Variants in COX10 observed in about 807,000 individuals in gnomAD.
COX10 encodes protoheme IX farnesyltransferase, mitochondrial.
In COX10, 27 loss-of-function variants were observed where a neutral mutation model predicts 37.3. That is an observed-to-expected ratio of 0.72 (90% confidence interval 0.53 to 1.00). The LOEUF is 1.00. Ranked by LOEUF, COX10 falls within the 50% of genes least tolerant of loss-of-function variation. The pLI is 0.00. For missense variants in COX10, 475 were observed against 563.2 expected (o/e 0.84, Z 1.59); for synonymous variants, 222 against 229.1 (o/e 0.97, Z 0.28).
Position 14,083,601 on chromosome 17 carries a change from G to A in COX10, c.499+6545G>A, listed in dbSNP as rs75961484. ...ATACTTATATTTCATCTGTGGGTTA[G>A]TGGGTAGCAGCAGCCTGATGCCTTG... On this transcript the variant is annotated intron_variant, in intron 3 of 6. Transcript: ENST00000261643. Among the ~76,000 whole-genome samples the A allele has an allele frequency of 7.9e-3, 1,198 of 152,348 alleles. 15 individuals carry two copies. The highest frequency in any genetic ancestry group is 0.028 in the African/African-American group (1,148 of 41,582).
intron 4 of COX10, among the ~76,000 whole-genome samples, chr17:14,117,235 C>T (rs1255475617): frequency 6.6e-6 from 1 of 152,040 alleles, no homozygotes; most frequent in Non-Finnish European, 1.5e-5. Flanking sequence ...TTACTTTGCT[C>T]TTTATGTTTA....
chr17:14,110,985 G>A (rs1045208580), intron 4 of COX10, among the ~76,000 whole-genome samples: 4 of 152,104 alleles, frequency 2.6e-5, no homozygotes, highest in African/African-American at 9.7e-5. Flanking sequence ...AATAGGAATT[G>A]GGATGTCAGA....
At chr17:14,166,703 C>T (rs940418806) in intron 5 of COX10, among the ~76,000 whole-genome samples, 1 of 148,414 alleles carries the variant, frequency 6.7e-6, no homozygotes, top group South Asian at 2.1e-4. Flanking sequence ...CCTCTGCCTC[C>T]TGGGTTCAAG....
At chr17:14,143,724 A>G (rs1014466163) in intron 4 of COX10, among the ~76,000 whole-genome samples, 7 of 152,170 alleles carry the variant, frequency 4.6e-5, no homozygotes, top group Admixed American at 2.0e-4. Flanking sequence ...GAACATTATC[A>G]AAAGCATATG....
chr17:14,116,849 A>G (rs1403198598), intron 4 of COX10, among the ~76,000 whole-genome samples: 2 of 152,216 alleles, frequency 1.3e-5, no homozygotes, highest in Admixed American at 6.5e-5. Context: ...CACAACATCC[A>G]GAGCGATCTT....
At chr17:14,115,464 A>C (rs1916089586) in intron 4 of COX10, among the ~76,000 whole-genome samples, 1 of 152,142 alleles carries the variant, frequency 6.6e-6, no homozygotes, top group African/African-American at 2.4e-5. Flanking sequence ...GTGGAAAATA[A>C]TATGGAGATC....
intron 5 of COX10, among the ~76,000 whole-genome samples, chr17:14,162,896 C>T (rs1384161699): frequency 7.9e-5 from 12 of 152,094 alleles, no homozygotes; most frequent in Admixed American, 6.6e-4. Context: ...GTGCATTTGG[C>T]GGAAAATTCA....
chr17:14,131,517 G>A (rs1485815322), intron 4 of COX10, among the ~76,000 whole-genome samples: 4 of 151,408 alleles, frequency 2.6e-5, no homozygotes. Flanking sequence ...TCCAGTCCTG[G>A]CTTTTTGTAG....
At chr17:14,095,920 T>C (rs1182062543) in intron 3 of COX10, among the ~76,000 whole-genome samples, 2 of 152,180 alleles carry the variant, frequency 1.3e-5, no homozygotes, top group Non-Finnish European at 2.9e-5. Flanking sequence ...CAGTCAAGGA[T>C]GTTTCAGTCT....
intron 4 of COX10, among the ~76,000 whole-genome samples, chr17:14,134,752 A>C (rs981679429): frequency 6.6e-6 from 1 of 151,438 alleles, no homozygotes; most frequent in East Asian, 1.9e-4. Flanking sequence ...TTGACTAGAC[A>C]TGGATAAATT....
At chr17:14,091,351 A>C (rs914931674) in intron 3 of COX10, among the ~76,000 whole-genome samples, 2 of 152,182 alleles carry the variant, frequency 1.3e-5, no homozygotes, top group Middle Eastern at 3.2e-3. Flanking sequence ...GGTTTGACAA[A>C]CTATTGATTT....
intron 5 of COX10, among the ~76,000 whole-genome samples, chr17:14,163,603 G>A (rs1224657463): frequency 1.3e-5 from 2 of 152,096 alleles, no homozygotes; most frequent in Admixed American, 1.3e-4. Flanking sequence ...TCAAATCATA[G>A]AAGAGTTTCA....
intron 5 of COX10, among the ~76,000 whole-genome samples, chr17:14,188,210 AG>A (rs1296102338): frequency 1.3e-5 from 1 of 75,174 alleles, no homozygotes; most frequent in Non-Finnish European, 3.2e-5. Context: ...AGAGTCTCAT[AG>A]GGAAAAAAAA....
At chr17:14,203,514 GT>G (rs1201778669) in intron 6 of COX10, among the ~76,000 whole-genome samples, 1 of 152,120 alleles carries the variant, frequency 6.6e-6, no homozygotes, top group African/African-American at 2.4e-5. Flanking sequence ...AAATGATTAA[GT>G]TTCTCCCCAG....
Position 14,206,872 on chromosome 17 carries a change from T to C in COX10, c.991T>C (p.Trp331Arg). Reference sequence around the variant, plus strand: ...GTTTCCTCATTTCAACGCCCTGAGCTGGGGCCTCCGTGAAGACTACTCCCG... The same window carrying C: ...GTTTCCTCATTTCAACGCCCTGAGCCGGGGCCTCCGTGAAGACTACTCCCG... ...WQFPHFNALSWGLREDYSRGG... is the reference protein window; with the variant it reads ...WQFPHFNALSRGLREDYSRGG... The change falls in exon 7 of 7, where the codon TGG becomes CGG. Residue 331 changes from tryptophan to arginine, a missense_variant. By Grantham distance (101) the Trp-to-Arg change is moderately radical. Around this residue, in one of 5 missense-constraint regions of COX10, gnomAD observed 160 missense variants for 180.6 expected, o/e 0.89. Transcript: ENST00000261643. The C allele has an allele frequency of 6.2e-7, 1 of 1,614,146 alleles. No individual in the cohort carries two copies. The highest frequency in any genetic ancestry group is 8.5e-7 in the Non-Finnish European group (1 of 1,180,020).
intron 4 of COX10, among the ~76,000 whole-genome samples, chr17:14,151,479 G>T (rs1432016517): frequency 6.6e-6 from 1 of 150,470 alleles, no homozygotes; most frequent in Non-Finnish European, 1.5e-5. Context: ...AGAAAAGACA[G>T]TATCTTTTTT....
At chr17:14,077,918 A>C (rs1418817954) in intron 3 of COX10, among the ~76,000 whole-genome samples, 1 of 73,026 alleles carries the variant, frequency 1.4e-5, no homozygotes, top group East Asian at 4.3e-4. Flanking sequence ...TCAGGGAAAG[A>C]GTGATTTTTT....
At chr17:14,101,937 A>T (rs1055280223) in intron 3 of COX10, among the ~76,000 whole-genome samples, 181 bp from the exon 4 acceptor site, 3 of 152,236 alleles carry the variant, frequency 2.0e-5, no homozygotes, top group Admixed American at 1.3e-4. Context: ...TATAATTAGT[A>T]CATGTAGTTT....
At chr17:14,094,453 T>C (rs1166055226) in intron 3 of COX10, among the ~76,000 whole-genome samples, 5 of 152,192 alleles carry the variant, frequency 3.3e-5, no homozygotes, top group Non-Finnish European at 7.3e-5. Flanking sequence ...TTTCTTACCA[T>C]GTCCCTGTGG....
Sources: gnomAD v4.1 joint callset for allele counts (sites outside exome capture counted in the v4.1 genomes callset) on GRCh38, gnomAD v4.1.1 for gene constraint, gnomAD v4.1.1 regional missense constraint, MANE v1.5 for transcripts, NCBI Gene and HGNC (gene_info 2026-07-23, HGNC 2026-07-21) for gene names.